E2F6: variants seen among roughly 807,000 people sequenced by gnomAD.
E2F6 encodes E2F transcription factor 6, also known as transcription factor E2F6.
Under a neutral mutation model 31.5 loss-of-function variants are expected in E2F6, and 19 were observed. The ratio of observed to expected loss-of-function variants is 0.60; its 90% CI spans 0.42 to 0.89. E2F6 has a LOEUF of 0.89. Ranked by LOEUF, E2F6 falls within the 40% of genes least tolerant of loss-of-function variation. The probability of loss-of-function intolerance (pLI) is 0.00; values close to 1 mark genes in which losing one functional copy is unlikely to be tolerated. For synonymous variants in E2F6, 121 were observed against 127.7 expected (o/e 0.95, Z 0.36); for missense variants, 269 against 341.6 (o/e 0.79, Z 1.67).
chr2:11,458,494 G>A, intron 1 of E2F6: 1 of 768,372 alleles, frequency 1.3e-6, no homozygotes, highest in South Asian at 1.6e-5. Flanking sequence ...GGGAGGGCAT[G>A]CTGGCACCAC....
At position 11,466,041 on chromosome 2, in the gene E2F6, G is replaced by A. The variant is rs531314711; in HGVS notation, c.-162C>T. ...GCCGCCCGGCTAGGCCGTCCCGCCC[G>A]CCAGTAAACGCGGCACGGCCTCACG... On this transcript the variant is annotated 5_prime_UTR_variant, in exon 1 of 7. Coordinates refer to ENST00000381525, the MANE Select transcript of E2F6 (RefSeq NM_198256.4). 2 of 577,912 alleles carry A rather than the reference G, an allele frequency of 3.5e-6. No individual in the cohort carries two copies. Among genetic ancestry groups the A allele is most frequent in the African/African-American group, 2.0e-5 (1 of 50,068 alleles). The allele number at this position is 577,912 out of a possible 1,614,324, so 35.8% of individuals were successfully genotyped here. A position where few individuals can be genotyped will look rare whatever the true frequency, so the allele number is the denominator to read the frequency against.
At chr2:11,448,694 CA>C (rs1670874311) in intron 5 of E2F6, among the ~76,000 whole-genome samples, 1 of 152,202 alleles carries the variant, frequency 6.6e-6, no homozygotes, top group African/African-American at 2.4e-5. Flanking sequence ...TATTTCTTAA[CA>C]ATAACATTCC....
At chr2:11,459,799 G>A (rs1320895463) in intron 1 of E2F6, among the ~76,000 whole-genome samples, 1 of 152,052 alleles carries the variant, frequency 6.6e-6, no homozygotes, top group Admixed American at 6.6e-5. Context: ...CAGGAGAATC[G>A]CTTGAACCCG....
In E2F6 at chr2:11,452,608, GAA is replaced by G. The variant is rs1242625475; in HGVS notation, c.381-804_381-803del. Among the ~76,000 whole-genome samples, 7 of 101,180 alleles carry G rather than the reference GAA, an allele frequency of 6.9e-5. No individual in the cohort carries two copies. In the South Asian group the frequency reaches 1.5e-3, roughly 22 times the overall value. The allele number at this position is 101,180 out of a possible 152,430, so 66.4% of individuals were successfully genotyped here. ...GACAGAGCAAGACCCCGTCTCAAAA[GAA>G]AAAAAAAAAAAAGACATATTTTCTT... On this transcript the variant is annotated intron_variant, in intron 3 of 6. Coordinates refer to ENST00000381525, the MANE Select transcript of E2F6 (RefSeq NM_198256.4).
intron 2 of E2F6, among the ~76,000 whole-genome samples, chr2:11,456,297 A>C (rs1411578810): frequency 2.0e-5 from 3 of 152,164 alleles, no homozygotes; most frequent in African/African-American, 7.2e-5. Flanking sequence ...TGTATTAGAC[A>C]AATCCCCCTG....
chr2:11,462,308 A>C (rs1671829859), intron 1 of E2F6, among the ~76,000 whole-genome samples: 3 of 152,194 alleles, frequency 2.0e-5, no homozygotes, highest in South Asian at 4.1e-4. Context: ...ACCAATCTCT[A>C]TATATACTAT....
At chr2:11,448,707 C>T (rs901771878) in intron 5 of E2F6, among the ~76,000 whole-genome samples, 4 of 152,182 alleles carry the variant, frequency 2.6e-5, no homozygotes, top group Non-Finnish European at 4.4e-5. Flanking sequence ...TAACATTCCA[C>T]TAAATTAAGT....
intron 2 of E2F6, chr2:11,455,498 T>TA (rs1365266202): frequency 1.9e-5 from 24 of 1,290,460 alleles, no homozygotes; most frequent in Admixed American, 1.2e-4. Context: ...AGGCGTAAAT[T>TA]AGGAATTTAA....
At chr2:11,464,847 G>A (rs1164423756) in intron 1 of E2F6, among the ~76,000 whole-genome samples, 1 of 152,128 alleles carries the variant, frequency 6.6e-6, no homozygotes, top group Non-Finnish European at 1.5e-5. Flanking sequence ...AAACTATTTG[G>A]TAGGGGAACC....
Position 11,447,699 on chromosome 2 carries a change from T to A in E2F6, c.727A>T (p.Thr243Ser). 4 of 1,612,158 alleles carry A rather than the reference T, an allele frequency of 2.5e-6. No homozygotes were observed. Among genetic ancestry groups the A allele is most frequent in the Non-Finnish European group, 3.4e-6 (4 of 1,179,972 alleles). ...ACACCTTCAGACCTTTTGTTACTGG[T>A]CTGACCCTGCTCCACTTCACACAAA... Reference protein sequence around the residue: ...VYLCEVEQGQTSNKRSEGVGT... With the variant: ...VYLCEVEQGQSSNKRSEGVGT... The change falls in exon 6 of 7, where the codon ACC (threonine) becomes TCC (serine). Residue 243 changes from threonine (T) to serine (S), a missense_variant. Physicochemically the swap from Thr to Ser is moderately conservative, Grantham distance 58 (BLOSUM62 1). Transcript: ENST00000381525.
intron 1 of E2F6, among the ~76,000 whole-genome samples, chr2:11,463,146 T>C (rs1312719566): frequency 1.3e-5 from 2 of 152,172 alleles, no homozygotes; most frequent in African/African-American, 4.8e-5. Context: ...CCAATACAGA[T>C]GGTACCAATA....
chr2:11,464,358 C>CA (rs1033835009), intron 1 of E2F6, among the ~76,000 whole-genome samples: 56 of 149,744 alleles, frequency 3.7e-4, no homozygotes, highest in Admixed American at 8.6e-4. Flanking sequence ...ACTAAAAATA[C>CA]AAAAAAAAAT....
At chr2:11,457,731 T>C (rs552699833) in intron 1 of E2F6, among the ~76,000 whole-genome samples, 7 of 152,346 alleles carry the variant, frequency 4.6e-5, no homozygotes, top group African/African-American at 1.2e-4. Context: ...TTAGTAGAGA[T>C]AGAAGATCTA....
intron 1 of E2F6, among the ~76,000 whole-genome samples, chr2:11,464,503 C>T (rs1007240233): frequency 4.8e-5 from 5 of 103,854 alleles, no homozygotes; most frequent in Non-Finnish European, 7.1e-5. Context: ...GGTGACAGAG[C>T]AAGACTTCGT....
intron 1 of E2F6, among the ~76,000 whole-genome samples, chr2:11,457,671 T>A (rs1357713140): frequency 6.6e-6 from 1 of 152,110 alleles, no homozygotes; most frequent in Non-Finnish European, 1.5e-5. Flanking sequence ...CAAAATATAC[T>A]GAATACATCA....
At chr2:11,452,572 C>G (rs987520530) in intron 3 of E2F6, among the ~76,000 whole-genome samples, 2 of 151,704 alleles carry the variant, frequency 1.3e-5, no homozygotes, top group South Asian at 2.1e-4. Flanking sequence ...CCACTATACT[C>G]CAGCCTGGGT....
At position 11,450,077 on chromosome 2, in the gene E2F6, C is replaced by G; in HGVS notation, c.586G>C (p.Glu196Gln). The G allele has an allele frequency of 6.2e-7, 1 of 1,613,708 alleles. No homozygotes were observed. The highest frequency in any genetic ancestry group is 1.3e-5 in the African/African-American group (1 of 75,012). ...GCTTTAACTGCAATGACGATCTGTT[C>G]ATGGAAGGCCTGAATGCTATGAATG... is the stretch of plus-strand genomic sequence containing the variant. The part of the protein sequence containing the change: ...QDIHSIQAFH[E>Q]QIVIAVKAPA... The change falls in exon 5 of 7, where the codon GAA (glutamate) becomes CAA (glutamine). Residue 196 changes from glutamate (E) to glutamine (Q), a missense_variant. By Grantham distance (29) the Glu-to-Gln change is conservative (BLOSUM62 2). Coordinates refer to ENST00000381525, the MANE Select transcript of E2F6 (RefSeq NM_198256.4).
intron 5 of E2F6, 106 bp downstream of exon 5, chr2:11,449,906 G>A: frequency 1.3e-6 from 1 of 787,916 alleles, no homozygotes; most frequent in Non-Finnish European, 2.1e-6. Flanking sequence ...CGGATGTACA[G>A]TGCACGTGCA....
At chr2:11,463,401 A>G (rs1490546236) in intron 1 of E2F6, among the ~76,000 whole-genome samples, 13 of 152,220 alleles carry the variant, frequency 8.5e-5, no homozygotes, top group Admixed American at 7.9e-4. Flanking sequence ...CTACTTTACT[A>G]TAAGAAAACA....
Sources: gnomAD v4.1 joint callset for allele counts (sites outside exome capture counted in the v4.1 genomes callset) on GRCh38, gnomAD v4.1.1 for gene constraint, MANE v1.5 for transcripts, NCBI Gene and HGNC (gene_info 2026-07-23, HGNC 2026-07-21) for gene names.